Variants in TFEC observed in about 807,000 individuals in gnomAD.
TFEC encodes the protein class E basic helix-loop-helix protein 34.
TFEC carries 31 observed loss-of-function variants against 41.6 expected under a neutral mutation model. The ratio of observed to expected loss-of-function variants is 0.74; its 90% CI spans 0.56 to 1.01. TFEC has a LOEUF of 1.01. Ranked by LOEUF, TFEC falls within the 50% of genes least tolerant of loss-of-function variation. The pLI is 0.00. For synonymous variants in TFEC, 143 were observed against 140.6 expected (o/e 1.02, Z -0.12); for missense variants, 402 against 404.1 (o/e 0.99, Z 0.04).
intron 3 of TFEC, among the ~76,000 whole-genome samples, chr7:116,092,829 T>G (rs1797360079): frequency 6.6e-6 from 1 of 152,134 alleles, no homozygotes; most frequent in Non-Finnish European, 1.5e-5. Flanking sequence ...GTTAACCACT[T>G]GCCAGATTAG....
chr7:116,072,332 A>G (rs1471201682), intron 3 of TFEC, among the ~76,000 whole-genome samples: 1 of 151,624 alleles, frequency 6.6e-6, no homozygotes, highest in Non-Finnish European at 1.5e-5. Flanking sequence ...TTTTGCTCAT[A>G]AAGTAAAAAC....
At chr7:116,045,763 T>C (rs576987043) in intron 3 of TFEC, among the ~76,000 whole-genome samples, 67 of 152,252 alleles carry the variant, frequency 4.4e-4, no homozygotes, top group African/African-American at 1.3e-3. Context: ...GGTAGATCCA[T>C]TGGCAGCTTA....
intron 1 of TFEC, among the ~76,000 whole-genome samples, chr7:116,127,372 C>G (rs543359403): frequency 4.0e-4 from 61 of 152,150 alleles, no homozygotes; most frequent in Admixed American, 3.9e-3. Context: ...CGTGAGCCAC[C>G]GCGCCCAGCC....
chr7:116,048,566 T>C (rs555439612), intron 3 of TFEC, among the ~76,000 whole-genome samples: 93 of 152,322 alleles, frequency 6.1e-4, no homozygotes, highest in African/African-American at 2.1e-3. Flanking sequence ...TTCAGGATAT[T>C]ATCCAGGAGA....
intron 3 of TFEC, among the ~76,000 whole-genome samples, chr7:116,071,542 T>C (rs970682846): frequency 2.6e-5 from 4 of 151,404 alleles, no homozygotes; most frequent in Admixed American, 2.0e-4. Context: ...AATAAGTTGT[T>C]AAATTAGAAA....
chr7:115,981,115 G>A (rs1252110295), intron 2 of TFEC, among the ~76,000 whole-genome samples: 1 of 151,948 alleles, frequency 6.6e-6, no homozygotes, highest in Admixed American at 6.6e-5. Flanking sequence ...CTGCATTTAA[G>A]TCCTGTAGCC....
rs566285781 is a variant in TFEC, at chr7:116,144,830, C to T, written c.-69+14960G>A. Among the ~76,000 whole-genome samples, 6 of 152,248 alleles carry T rather than the reference C, an allele frequency of 3.9e-5. No individual in the cohort carries two copies. The South Asian group carries it at 1.0e-3, about 26-fold the overall frequency. ...CTACTTCAGTTTCTCATCTGTTGCC[C>T]TGCCCAGAAGATTTTAGATTCAAGA... On this transcript the variant is annotated intron_variant, in intron 1 of 8. Transcript: ENST00000484212.
At chr7:115,999,977 G>T (rs992789062) in intron 1 of TFEC, among the ~76,000 whole-genome samples, 1 of 151,920 alleles carries the variant, frequency 6.6e-6, no homozygotes, top group Non-Finnish European at 1.5e-5. Context: ...TACAAGGTCA[G>T]TATTACTCTG....
At chr7:116,106,077 A>G (rs1411202165) in intron 3 of TFEC, among the ~76,000 whole-genome samples, 1 of 152,112 alleles carries the variant, frequency 6.6e-6, no homozygotes, top group Non-Finnish European at 1.5e-5. Flanking sequence ...CTTCCCACAT[A>G]GAGTATCTCT....
rs1236867629 is a variant in TFEC, at chr7:116,133,402, T to C, written c.-68-21364A>G. On this transcript the variant is annotated intron_variant, in intron 1 of 8. Coordinates refer to the TFEC transcript ENST00000484212. ...CCATCTCTACTAAGAATACAAAAATTAGCCAGACGTGGTGGCGTGTGCCAG... is the reference window on the plus strand; with the variant it reads ...CCATCTCTACTAAGAATACAAAAATCAGCCAGACGTGGTGGCGTGTGCCAG... Among the ~76,000 whole-genome samples the C allele has an allele frequency of 3.9e-5, 6 of 152,058 alleles. No individual in the cohort carries two copies. The South Asian group carries it at 1.2e-3, about 32-fold the overall frequency.
chr7:115,978,557 TTCTG>T (rs1793487520), intron 2 of TFEC, among the ~76,000 whole-genome samples: 1 of 152,154 alleles, frequency 6.6e-6, no homozygotes, highest in South Asian at 2.1e-4. Flanking sequence ...TCTGTTACCT[TTCTG>T]TCCAACTATC....
chr7:116,052,905 T>A (rs1439033984), intron 3 of TFEC, among the ~76,000 whole-genome samples: 2 of 151,196 alleles, frequency 1.3e-5, no homozygotes, highest in South Asian at 4.2e-4. Context: ...CCGTCTCTAC[T>A]AAAAAAATAC....
chr7:115,970,278 C>T (rs1187812191), intron 3 of TFEC, among the ~76,000 whole-genome samples: 1 of 151,906 alleles, frequency 6.6e-6, no homozygotes, highest in Admixed American at 6.6e-5. Flanking sequence ...ACTGAGGAGC[C>T]AAGTCAGGTG....
intron 1 of TFEC, among the ~76,000 whole-genome samples, chr7:115,991,519 G>A (rs1282047216): frequency 6.6e-6 from 1 of 152,072 alleles, no homozygotes; most frequent in Admixed American, 6.5e-5. Context: ...CAAAATAAAG[G>A]AATGGAGGAA....
chr7:116,068,620 A>G (rs1455657503), intron 3 of TFEC, among the ~76,000 whole-genome samples: 1 of 151,726 alleles, frequency 6.6e-6, no homozygotes, highest in Non-Finnish European at 1.5e-5. Context: ...ACTAGTATAT[A>G]TGCATATTAT....
chr7:115,953,024 ACACCGATGTGCT>A (rs1166058654), intron 5 of TFEC, among the ~76,000 whole-genome samples: 1 of 152,066 alleles, frequency 6.6e-6, no homozygotes, highest in Non-Finnish European at 1.5e-5. Flanking sequence ...ACAGAACATG[ACACCGATGTGCT>A]CACTGGGGGC....
rs1159915510 is a variant in TFEC at position 115,935,323 on chromosome 7, T to C, written c.*5228A>G. 2 of 152,094 alleles carry C rather than the reference T, an allele frequency of 1.3e-5. No homozygotes were observed. Among genetic ancestry groups the C allele is most frequent in the Admixed American group, 1.3e-4 (2 of 15,208 alleles). 9.4% of individuals were successfully genotyped at this position (152,094 alleles called of 1,614,324 possible). A position where few individuals can be genotyped will look rare whatever the true frequency, so the allele number is the denominator to read the frequency against. ...AATGAAAAATAGCAATAATTACAAATTCTACAGTCTTATTAACAATGTTTT... is the reference window on the plus strand; with the variant it reads ...AATGAAAAATAGCAATAATTACAAACTCTACAGTCTTATTAACAATGTTTT... On this transcript the variant is annotated 3_prime_UTR_variant, in exon 8 of 8. Coordinates refer to ENST00000265440, the MANE Select transcript of TFEC (RefSeq NM_012252.4).
At chr7:116,019,841 G>T (rs1745611247) in intron 1 of TFEC, among the ~76,000 whole-genome samples, 1 of 152,122 alleles carries the variant, frequency 6.6e-6, no homozygotes, top group African/African-American at 2.4e-5. Flanking sequence ...GCATTTTATT[G>T]ATGAGCTAAC....
At chr7:115,944,593 C>CA (rs1793693888) in intron 6 of TFEC, among the ~76,000 whole-genome samples, 1 of 151,614 alleles carries the variant, frequency 6.6e-6, no homozygotes, top group South Asian at 2.2e-4. Context: ...AAAGTGTCTT[C>CA]AGGTATTAGC....
Sources: gnomAD v4.1 joint callset for allele counts (sites outside exome capture counted in the v4.1 genomes callset) on GRCh38, gnomAD v4.1.1 for gene constraint, MANE v1.5 for transcripts, NCBI Gene and HGNC (gene_info 2026-07-23, HGNC 2026-07-21) for gene names.